GFRA1: variants seen among roughly 807,000 people sequenced by gnomAD.
GFRA1 encodes the protein GDNF family receptor alpha-1.
A neutral mutation model predicts 51.6 loss-of-function variants in GFRA1; 16 were observed. The observed-to-expected ratio is 0.31, with a 90% CI of 0.21 to 0.47. The LOEUF (loss-of-function observed/expected upper bound fraction) is 0.47, where lower values mean the gene tolerates loss of function less well. GFRA1 is among the 20% of genes least tolerant of loss of function. The pLI is 1.00. For synonymous variants in GFRA1, 270 were observed against 241.3 expected (o/e 1.12, Z -1.10); for missense variants, 530 against 594.3 (o/e 0.89, Z 1.13).
chr10:116,103,112 T>C (rs1956880121), intron 6 of GFRA1, among the ~76,000 whole-genome samples: 1 of 152,154 alleles, frequency 6.6e-6, no homozygotes, highest in Non-Finnish European at 1.5e-5. Flanking sequence ...CTTAGCAAAT[T>C]ATTCAACTTC....
intron 9 of GFRA1, among the ~76,000 whole-genome samples, chr10:116,084,761 AAC>A (rs5788130): frequency 0.082 from 11,456 of 139,626 alleles, 483 homozygotes; most frequent in Non-Finnish European, 0.097. Context: ...TTAAATAAGT[AAC>A]ACACACACAC....
At chr10:116,161,278 T>G (rs2134177787) in intron 5 of GFRA1, among the ~76,000 whole-genome samples, 1 of 152,326 alleles carries the variant, frequency 6.6e-6, no homozygotes, top group South Asian at 2.1e-4. Context: ...AGCCCAGTGC[T>G]TCTGCCCCAA....
At chr10:116,195,433 G>A (rs1963649731) in intron 5 of GFRA1, among the ~76,000 whole-genome samples, 1 of 152,140 alleles carries the variant, frequency 6.6e-6, no homozygotes, top group Non-Finnish European at 1.5e-5. Context: ...AGGGGCGGGG[G>A]TATTGCTTAA....
chr10:116,216,802 C>T (rs1005476281), intron 4 of GFRA1, among the ~76,000 whole-genome samples: 2 of 152,020 alleles, frequency 1.3e-5, no homozygotes, highest in Admixed American at 6.5e-5. Flanking sequence ...TAAAGCACTG[C>T]GAATTTTACT....
intron 5 of GFRA1, among the ~76,000 whole-genome samples, chr10:116,126,667 G>T (rs1050810299): frequency 6.6e-6 from 1 of 152,218 alleles, no homozygotes; most frequent in Admixed American, 6.5e-5. Context: ...GACAAGCACT[G>T]CACAGCTGTG....
In GFRA1 at chr10:116,062,132, C is replaced by T. The variant is rs1284102229; in HGVS notation, c.*2266G>A. 1.3e-5 allele frequency: 5 copies of T among 398,402 alleles called. No homozygotes were observed. Among genetic ancestry groups the T allele is most frequent in the South Asian group, 1.3e-4 (1 of 7,856 alleles). The allele number at this position is 398,402 out of a possible 1,614,324, so 24.7% of individuals were successfully genotyped here. A position where few individuals can be genotyped will look rare whatever the true frequency, so the allele number is the denominator to read the frequency against. Reference sequence around the variant, plus strand: ...TTGTTAGCGCTGAAACTCCCATTTCCGCTTTGGTCATCTGATGCTAATTAG... The same window carrying T: ...TTGTTAGCGCTGAAACTCCCATTTCTGCTTTGGTCATCTGATGCTAATTAG... On this transcript the variant is annotated 3_prime_UTR_variant, in exon 11 of 11. Coordinates refer to ENST00000355422, the MANE Select transcript of GFRA1 (RefSeq NM_005264.8).
At chr10:116,202,381 A>G (rs1285010342) in intron 5 of GFRA1, among the ~76,000 whole-genome samples, 1 of 152,176 alleles carries the variant, frequency 6.6e-6, no homozygotes, top group Non-Finnish European at 1.5e-5. Context: ...AAAGATTTCA[A>G]AGGAAAATGT....
At chr10:116,206,951 C>G (rs1450771826) in intron 5 of GFRA1, among the ~76,000 whole-genome samples, 2 of 152,076 alleles carry the variant, frequency 1.3e-5, no homozygotes, top group African/African-American at 4.8e-5. Flanking sequence ...ATTCTTTTAA[C>G]CTTAATTCAC....
At chr10:116,095,970 G>C (rs891733289) in intron 7 of GFRA1, among the ~76,000 whole-genome samples, 49 of 152,184 alleles carry the variant, frequency 3.2e-4, no homozygotes, top group African/African-American at 1.1e-3. Context: ...GACAGCCCCT[G>C]GTATCCAGGG....
intron 5 of GFRA1, among the ~76,000 whole-genome samples, chr10:116,145,251 G>A (rs543646939): frequency 4.1e-5 from 6 of 147,048 alleles, no homozygotes; most frequent in African/African-American, 7.5e-5. Flanking sequence ...GGAAAAGATA[G>A]ATGGACTCAC....
At chr10:116,094,104 C>T (rs113985175) in intron 7 of GFRA1, among the ~76,000 whole-genome samples, 7 of 152,092 alleles carry the variant, frequency 4.6e-5, no homozygotes, top group Admixed American at 6.5e-5. Context: ...GTATGGATGT[C>T]GTGGAGTAGG....
At chr10:116,164,334 A>AT (rs1351751943) in intron 5 of GFRA1, among the ~76,000 whole-genome samples, 1 of 151,808 alleles carries the variant, frequency 6.6e-6, no homozygotes, top group East Asian at 1.9e-4. Flanking sequence ...AAAAAAAAAA[A>AT]ACCCAATCCA....
At chr10:116,202,117 G>A (rs1480781250) in intron 5 of GFRA1, among the ~76,000 whole-genome samples, 1 of 152,106 alleles carries the variant, frequency 6.6e-6, no homozygotes, top group Non-Finnish European at 1.5e-5. Flanking sequence ...ACTGCACTGG[G>A]TGCCAGGGAT....
chr10:116,104,006 A>G (rs1476670432), intron 6 of GFRA1, among the ~76,000 whole-genome samples: 1 of 152,102 alleles, frequency 6.6e-6, no homozygotes, highest in East Asian at 1.9e-4. Context: ...CTGAGCTGCG[A>G]TTCTCTCCCC....
At chr10:116,202,009 T>G (rs149797378) in intron 5 of GFRA1, among the ~76,000 whole-genome samples, 1 of 152,210 alleles carries the variant, frequency 6.6e-6, no homozygotes, top group Non-Finnish European at 1.5e-5. Flanking sequence ...AGCATGTACA[T>G]ACACTCAGCC....
At chr10:116,274,650 A>C (rs1049790821), upstream of GFRA1, among the ~76,000 whole-genome samples, 3 of 152,244 alleles carry the variant, frequency 2.0e-5, no homozygotes, top group Admixed American at 2.0e-4. Context: ...CCCGGGGGAC[A>C]TCCTACGGAT....
At chr10:116,192,127 T>A (rs984371257) in intron 5 of GFRA1, among the ~76,000 whole-genome samples, 4 of 152,204 alleles carry the variant, frequency 2.6e-5, no homozygotes, top group Admixed American at 2.6e-4. Flanking sequence ...TAAGAAGTAA[T>A]TTAATTTCTT....
chr10:116,058,586 T>C lies in GFRA1; in HGVS notation c.*5812A>G, dbSNP rs1679569. ...CAGGACTTACCCCTGGGAGACTGAG[T>C]CTCAGTTTCATGAATGATTTGTAAA... On this transcript the variant is annotated 3_prime_UTR_variant, in exon 11 of 11. Coordinates refer to ENST00000355422, the MANE Select transcript of GFRA1 (RefSeq NM_005264.8). 0.37 allele frequency: 56,396 copies of C among 151,848 alleles called. 12,184 individuals are homozygous for C. The highest frequency in any genetic ancestry group is 0.62 in the East Asian group (3,180 of 5,144). The allele number at this position is 151,848 out of a possible 1,614,324, so 9.4% of individuals were successfully genotyped here.
chr10:116,223,459 G>C (rs1966067326), intron 4 of GFRA1, among the ~76,000 whole-genome samples: 1 of 152,178 alleles, frequency 6.6e-6, no homozygotes, highest in South Asian at 2.1e-4. Context: ...ACATTTTCTA[G>C]AGTCACCCAC....
Sources: gnomAD v4.1 joint callset for allele counts (sites outside exome capture counted in the v4.1 genomes callset) on GRCh38, gnomAD v4.1.1 for gene constraint, MANE v1.5 for transcripts, NCBI Gene and HGNC (gene_info 2026-07-23, HGNC 2026-07-21) for gene names.